The following RERE variants were observed in gnomAD, a reference collection of about 807,000 sequenced individuals.
RERE encodes arginine-glutamic acid dipeptide repeats.
A neutral mutation model predicts 146.1 loss-of-function variants in RERE; 40 were observed. That is an observed-to-expected ratio of 0.27 (90% CI 0.21 to 0.36). RERE has a LOEUF of 0.36. Among genes scored for constraint, RERE ranks in the 10% least tolerant of loss-of-function variants. The pLI is 1.00. For synonymous variants in RERE, 1,003 were observed against 866.0 expected (o/e 1.16, Z -2.78); for missense variants, 1,933 against 2,138.7 (o/e 0.90, Z 1.90).
At chr1:8,580,971 G>A (rs879370730) in intron 4 of RERE, among the ~76,000 whole-genome samples, 2 of 152,016 alleles carry the variant, frequency 1.3e-5, no homozygotes, top group Admixed American at 6.6e-5. Flanking sequence ...CAAAGTGCTG[G>A]GATTACAGGT....
intron 12 of RERE, among the ~76,000 whole-genome samples, chr1:8,371,157 T>C (rs1642021061): frequency 6.6e-6 from 1 of 152,192 alleles, no homozygotes; most frequent in East Asian, 1.9e-4. Context: ...CGGCTGCAGC[T>C]CTTGCCAAGA....
At chr1:8,648,981 AAT>A (rs1647462166) in intron 2 of RERE, among the ~76,000 whole-genome samples, 2 of 152,014 alleles carry the variant, frequency 1.3e-5, no homozygotes, top group African/African-American at 2.4e-5. Context: ...TAAAAAAAAA[AAT>A]CTCACAATAA....
chr1:8,687,216 G>A (rs764097119), intron 1 of RERE, among the ~76,000 whole-genome samples: 11 of 152,168 alleles, frequency 7.2e-5, no homozygotes, highest in Non-Finnish European at 1.3e-4. Flanking sequence ...AAATTACTAT[G>A]TGAGAGGGCA....
Position 8,360,634 on chromosome 1 carries a change from G to T in RERE, c.2873C>A (p.Ser958Tyr). ...PPHLSGPSPF[S>Y]MNANLPPPPA... ...AGGGGGAGGCAGGTTGGCATTCATG[G>T]AGAAGGGTGAGGGCCCCGAGAGGTG... The change falls in exon 18 of 23, where the codon TCC (serine) becomes TAC (tyrosine). Residue 958 changes from serine (S) to tyrosine (Y), a missense_variant. By Grantham distance (144) the Ser-to-Tyr change is moderately radical (BLOSUM62 -2). Transcript: ENST00000400908. The T allele has an allele frequency of 6.6e-7, 1 of 1,517,052 alleles. No individual in the cohort carries two copies. Among genetic ancestry groups the T allele is most frequent in the Non-Finnish European group, 8.8e-7 (1 of 1,134,778 alleles). The allele number at this position is 1,517,052 out of a possible 1,614,324, so 94.0% of individuals were successfully genotyped here.
intron 12 of RERE, among the ~76,000 whole-genome samples, chr1:8,392,814 G>A (rs565944361): frequency 2.6e-5 from 4 of 152,302 alleles, no homozygotes; most frequent in African/African-American, 9.6e-5. Flanking sequence ...GGATGTTTGC[G>A]AGCAAAGTTT....
At chr1:8,770,436 T>C (rs1640926001) in intron 1 of RERE, among the ~76,000 whole-genome samples, 1 of 152,168 alleles carries the variant, frequency 6.6e-6, no homozygotes, top group African/African-American at 2.4e-5. Flanking sequence ...GAATGTTTTG[T>C]CCAAAACTAG....
chr1:8,587,786 T>G (rs77751941), intron 4 of RERE, among the ~76,000 whole-genome samples: 1 of 152,154 alleles, frequency 6.6e-6, no homozygotes, highest in Non-Finnish European at 1.5e-5. Flanking sequence ...CTGCCTCTAT[T>G]CTTTGTCTAA....
At chr1:8,438,733 G>A (rs904008082) in intron 11 of RERE, among the ~76,000 whole-genome samples, 3 of 151,898 alleles carry the variant, frequency 2.0e-5, no homozygotes, top group East Asian at 1.9e-4. Flanking sequence ...CAAATGTAGC[G>A]TTTAAAAGTA....
chr1:8,700,019 T>C (rs1162559010), intron 1 of RERE, among the ~76,000 whole-genome samples: 2 of 152,144 alleles, frequency 1.3e-5, no homozygotes, highest in African/African-American at 4.8e-5. Context: ...AAAAATGCAA[T>C]GGATAGCCCA....
intron 2 of RERE, among the ~76,000 whole-genome samples, chr1:8,644,345 T>C (rs149743882): frequency 1.6e-4 from 24 of 152,316 alleles, no homozygotes; most frequent in Non-Finnish European, 1.0e-4. Flanking sequence ...TTATAGCATG[T>C]GGTTGGAACG....
chr1:8,685,502 G>C (rs1244275512), intron 1 of RERE, among the ~76,000 whole-genome samples: 1 of 151,950 alleles, frequency 6.6e-6, no homozygotes. Context: ...TGGGTGGATC[G>C]CGAGGTCAGG....
At chr1:8,715,996 C>T (rs1639756897) in intron 1 of RERE, among the ~76,000 whole-genome samples, 2 of 152,044 alleles carry the variant, frequency 1.3e-5, no homozygotes, top group South Asian at 4.2e-4. Flanking sequence ...AAAATAAAAA[C>T]AGGTCAGGCA....
intron 12 of RERE, among the ~76,000 whole-genome samples, chr1:8,389,746 C>A (rs1157414855): frequency 6.6e-6 from 1 of 152,176 alleles, no homozygotes; most frequent in Non-Finnish European, 1.5e-5. Flanking sequence ...TAAATGAAGC[C>A]CCAACTGTAG....
chr1:8,698,964 G>A (rs369615738), intron 1 of RERE, among the ~76,000 whole-genome samples: 1 of 152,192 alleles, frequency 6.6e-6, no homozygotes. Flanking sequence ...TGTCACTCTG[G>A]CTGGAGTGCA....
In RERE at chr1:8,812,057, T is replaced by C. The variant is rs538914321; in HGVS notation, c.-145+5103A>G. On this transcript the variant is annotated intron_variant, in intron 1 of 22. Transcript: ENST00000400908. ...TGAGGCCTGGCTCGTACGGCTTAAATTTCTGTTCTACTTTTCCCCAACTTG... is the reference window on the plus strand; with the variant it reads ...TGAGGCCTGGCTCGTACGGCTTAAACTTCTGTTCTACTTTTCCCCAACTTG... 2.6e-4 allele frequency among the ~76,000 whole-genome samples: 40 copies of C among 152,310 alleles called. No individual in the cohort carries two copies. The South Asian group carries it at 8.3e-3, about 32-fold the overall frequency.
At chr1:8,593,132 C>T (rs908512043) in intron 4 of RERE, among the ~76,000 whole-genome samples, 3 of 152,160 alleles carry the variant, frequency 2.0e-5, no homozygotes, top group East Asian at 1.9e-4. Context: ...CCCCATTCAA[C>T]GTCCATTCTC....
At chr1:8,758,502 C>T (rs1640691201) in intron 1 of RERE, among the ~76,000 whole-genome samples, 1 of 151,850 alleles carries the variant, frequency 6.6e-6, no homozygotes, top group African/African-American at 2.4e-5. Context: ...AGCAATCCTC[C>T]TGCCTCAGCC....
chr1:8,690,506 T>A (rs1639186404), intron 1 of RERE, among the ~76,000 whole-genome samples: 1 of 152,214 alleles, frequency 6.6e-6, no homozygotes, highest in African/African-American at 2.4e-5. Flanking sequence ...AAATTAAATC[T>A]TTGTATCGAG....
intron 1 of RERE, among the ~76,000 whole-genome samples, chr1:8,686,551 A>G (rs1205274330): frequency 6.6e-6 from 1 of 152,172 alleles, no homozygotes; most frequent in African/African-American, 2.4e-5. Context: ...GGAGTTCAAG[A>G]CCAGCCTGGC....
Sources: allele counts gnomAD v4.1 joint callset (sites outside exome capture counted in the v4.1 genomes callset), GRCh38; gene constraint gnomAD v4.1.1; transcripts MANE v1.5; gene names NCBI Gene and HGNC (gene_info 2026-07-23, HGNC 2026-07-21).